Variants in RPRD2 observed in about 807,000 individuals in gnomAD.
RPRD2 encodes regulation of nuclear pre-mRNA domain containing 2.
In RPRD2, 12 loss-of-function variants were observed where a neutral mutation model predicts 104.4. The observed-to-expected ratio is 0.11, with a 90% confidence interval of 0.07 to 0.19. RPRD2 has a LOEUF of 0.19. RPRD2 is among the 10% of genes least tolerant of loss of function. The pLI, the probability that RPRD2 is intolerant of heterozygous loss-of-function variation, is 1.00. For synonymous variants in RPRD2, 714 were observed against 684.9 expected, an observed-to-expected ratio of 1.04 and a Z score of -0.66; for missense variants, 1,543 against 1,790.1, an observed-to-expected ratio of 0.86 and a Z score of 2.49.
intron 6 of RPRD2, 144 bp from the exon 7 acceptor site, chr1:150,446,082 A>AAT: frequency 4.0e-6 from 2 of 496,386 alleles, no homozygotes; most frequent in East Asian, 3.3e-5. Context: ...AAAAAAAAAA[A>AAT]GAAAGAAACT....
intron 1 of RPRD2, among the ~76,000 whole-genome samples, chr1:150,387,248 C>T (rs1553881995): frequency 6.6e-6 from 1 of 152,012 alleles, no homozygotes; most frequent in African/African-American, 2.4e-5. Flanking sequence ...TCTGTCTAAG[C>T]ATATGTTTAC....
chr1:150,450,850 A>G (rs1667117513), intron 7 of RPRD2, among the ~76,000 whole-genome samples: 1 of 151,850 alleles, frequency 6.6e-6, no homozygotes, highest in Non-Finnish European at 1.5e-5. Flanking sequence ...ACCTCAGGTG[A>G]TCCACCTGCC....
At chr1:150,385,116 T>C (rs1323999662) in intron 1 of RPRD2, among the ~76,000 whole-genome samples, 2 of 152,234 alleles carry the variant, frequency 1.3e-5, no homozygotes, top group Non-Finnish European at 2.9e-5. Context: ...ATACTAGTAT[T>C]AATATAACAT....
At chr1:150,381,538 T>TTTTTTTTTTTTTTTTTC in intron 1 of RPRD2, among the ~76,000 whole-genome samples, 1 of 148,154 alleles carries the variant, frequency 6.7e-6, no homozygotes, top group African/African-American at 2.5e-5. Flanking sequence ...AGGGTCTTGC[T>TTTTTTTTTTTTTTTTTC]CTATCGCCCA....
At chr1:150,400,546 A>G (rs1309644857) in intron 1 of RPRD2, among the ~76,000 whole-genome samples, 3 of 152,114 alleles carry the variant, frequency 2.0e-5, no homozygotes, top group Non-Finnish European at 2.9e-5. Context: ...TTATGCTCCT[A>G]TGAGAATCTA....
intron 1 of RPRD2, among the ~76,000 whole-genome samples, chr1:150,370,660 T>G (rs1660234528): frequency 6.7e-6 from 1 of 149,108 alleles, no homozygotes; most frequent in Non-Finnish European, 1.5e-5. Flanking sequence ...CTGCAACCTC[T>G]GCCCCCTGGG....
rs587597790 is a variant in RPRD2, at chr1:150,425,081, A to C, written c.335+7356A>C. On this transcript the variant is annotated intron_variant, in intron 2 of 10. Coordinates refer to ENST00000369068, the MANE Select transcript of RPRD2 (RefSeq NM_015203.5). ...TCTGGCTCTGTCACCTCATAACTCT[A>C]TAACTTTAGATAAATAAAATTAGTT... 5.9e-5 allele frequency among the ~76,000 whole-genome samples: 9 copies of C among 152,276 alleles called. No individual in the cohort carries two copies. The East Asian group carries it at 1.7e-3, about 29-fold the overall frequency.
rs767748023 is a variant in RPRD2 at position 150,470,642 on chromosome 1, C to A, written c.1694C>A (p.Pro565His). ...GCCTCACAGAGCACTTCAGCCTCCC[C>A]TGCCAACACCACAGTCTCTACCATA... ...EAASQSTSAS[P>H]ANTTVSTIKG... Residue 565 changes from proline (P) to histidine (H), a missense_variant, in exon 11 of 11, where the codon CCT (proline) becomes CAT (histidine). By Grantham distance (77) the Pro-to-His change is moderately conservative. Coordinates refer to ENST00000369068, the MANE Select transcript of RPRD2 (RefSeq NM_015203.5). The A allele has an allele frequency of 3.7e-6, 6 of 1,613,908 alleles. 1 individual carries two copies. In the South Asian group the frequency reaches 4.4e-5, roughly 12 times the overall value.
intron 8 of RPRD2, 49 bp from the exon 9 acceptor site, chr1:150,460,009 CAA>C: frequency 6.4e-7 from 1 of 1,572,146 alleles, no homozygotes; most frequent in Admixed American, 1.8e-5. Flanking sequence ...ATATAGGAAG[CAA>C]AGTCTGGAAA....
intron 10 of RPRD2, among the ~76,000 whole-genome samples, 187 bp downstream of exon 10, chr1:150,464,914 A>G (rs1371805685): frequency 6.6e-6 from 1 of 151,960 alleles, no homozygotes; most frequent in Non-Finnish European, 1.5e-5. Context: ...TCTGTTGCCT[A>G]GTTGGTGTGC....
intron 1 of RPRD2, among the ~76,000 whole-genome samples, chr1:150,398,288 C>T (rs918287920): frequency 3.3e-5 from 5 of 151,980 alleles, no homozygotes; most frequent in African/African-American, 1.2e-4. Flanking sequence ...GCTCTGCCTC[C>T]CAGGTTCACG....
chr1:150,391,387 C>G (rs1662049700), intron 1 of RPRD2, among the ~76,000 whole-genome samples: 1 of 152,028 alleles, frequency 6.6e-6, no homozygotes, highest in African/African-American at 2.4e-5. Flanking sequence ...CTCCTGGGCT[C>G]AAGTGATCCT....
At chr1:150,464,989 C>T (rs1232213748) in intron 10 of RPRD2, among the ~76,000 whole-genome samples, 1 of 152,108 alleles carries the variant, frequency 6.6e-6, no homozygotes, top group East Asian at 1.9e-4. Flanking sequence ...CTGCCTCAGC[C>T]TCCCTAGCAG....
chr1:150,471,724 G>C lies in RPRD2; in HGVS notation c.2776G>C (p.Asp926His). The change falls in exon 11 of 11, where the codon GAC becomes CAC. Residue 926 changes from aspartate to histidine, a missense_variant. Asp to His is a moderately conservative substitution (Grantham distance 81). This residue lies in a region of RPRD2 where 880 missense variants were observed against 885.6 expected (regional missense o/e 0.99). Transcript: ENST00000369068. The surrounding 1 kb of genome is among the most constrained non-coding windows in gnomAD (Gnocchi z 5.3). The part of the protein sequence containing the change: ...FSVRGNEPGS[D>H]RSPSPSKNDS... Reference sequence around the variant, plus strand: ...CGTAAGAGGGAATGAACCTGGGTCTGACCGGTCACCATCACCGAGTAAGAA... The same window carrying C: ...CGTAAGAGGGAATGAACCTGGGTCTCACCGGTCACCATCACCGAGTAAGAA... 1 of 1,613,906 alleles carries C rather than the reference G, an allele frequency of 6.2e-7. No homozygotes were observed. Among genetic ancestry groups the C allele is most frequent in the South Asian group, 1.1e-5 (1 of 91,062 alleles).
At chr1:150,407,007 G>A (rs1191001402) in intron 1 of RPRD2, among the ~76,000 whole-genome samples, 1 of 152,196 alleles carries the variant, frequency 6.6e-6, no homozygotes, top group Non-Finnish European at 1.5e-5. Context: ...GAGCCACCAT[G>A]CCTAGCCAGT....
At chr1:150,451,906 T>G (rs1553896651) in intron 7 of RPRD2, among the ~76,000 whole-genome samples, 1 of 151,694 alleles carries the variant, frequency 6.6e-6, no homozygotes, top group East Asian at 1.9e-4. Context: ...TTTGGGAGGC[T>G]GAGGCAGGCA....
intron 1 of RPRD2, among the ~76,000 whole-genome samples, chr1:150,393,102 C>G (rs904599915): frequency 1.3e-5 from 2 of 151,814 alleles, no homozygotes; most frequent in Admixed American, 6.6e-5. Flanking sequence ...AAGGCAGTTA[C>G]TAACCAAAAA....
chr1:150,370,327 T>C (rs140217171), intron 1 of RPRD2, among the ~76,000 whole-genome samples: 177 of 152,284 alleles, frequency 1.2e-3, no homozygotes, highest in South Asian at 9.7e-3. Flanking sequence ...GCAAAGTACT[T>C]AAACTGTGAA....
At chr1:150,445,137 T>C (rs1666673705) in intron 6 of RPRD2, among the ~76,000 whole-genome samples, 1 of 152,196 alleles carries the variant, frequency 6.6e-6, no homozygotes, top group South Asian at 2.1e-4. Flanking sequence ...ACTCTCATCA[T>C]GTCACTGCAC....
Sources: allele counts gnomAD v4.1 joint callset (sites outside exome capture counted in the v4.1 genomes callset), GRCh38; gene constraint gnomAD v4.1.1; regional missense constraint gnomAD v4.1.1; non-coding constraint Gnocchi (gnomAD v3.1); transcripts MANE v1.5; gene names NCBI Gene and HGNC (gene_info 2026-07-23, HGNC 2026-07-21).